Variants in MYH6 observed in about 807,000 individuals in gnomAD.
The protein encoded by MYH6 is myosin heavy chain 6.
A neutral mutation model predicts 223.2 loss-of-function variants in MYH6; 126 were observed. The observed-to-expected ratio is 0.56, with a 90% CI of 0.49 to 0.65. The LOEUF is 0.65. Among genes scored for constraint, MYH6 ranks in the 30% least tolerant of loss-of-function variants. MYH6 has a pLI of 0.00. For missense variants in MYH6, 2,040 were observed against 2,536.4 expected (o/e 0.80, Z 4.20); for synonymous variants, 978 against 1,010.2 (o/e 0.97, Z 0.61).
chr14:23,397,530 G>A lies in MYH6; in HGVS notation c.1962+13C>T, dbSNP rs765703017. Reference sequence around the variant, plus strand: ...TTCCACCAGGTGTCCTGGCACCCCTGGGCCCTTCTTACCCGGTGGAGAGCC... The same window carrying A: ...TTCCACCAGGTGTCCTGGCACCCCTAGGCCCTTCTTACCCGGTGGAGAGCC... On this transcript the variant is annotated intron_variant, in intron 16 of 38. Transcript: ENST00000405093. 1 of 1,613,838 alleles carries A rather than the reference G, an allele frequency of 6.2e-7. No homozygotes were observed. The highest frequency in any genetic ancestry group is 1.3e-5 in the African/African-American group (1 of 74,936).
rs1033416176 is a variant in MYH6 at position 23,390,248 on chromosome 14, C to T, written c.3541G>A (p.Glu1181Lys). The change falls in exon 26 of 39, where the codon GAG becomes AAG. Residue 1181 changes from glutamate (E) to lysine (K), a missense_variant. By Grantham distance (56) the Glu-to-Lys change is moderately conservative. Coordinates refer to ENST00000405093, the MANE Select transcript of MYH6 (RefSeq NM_002471.4). ...GCCTCGTGCTGCAGCGTGGCCTCCTCCAGGTCCCGCCGCATCTTCTGGAAC... is the reference window on the plus strand; with the variant it reads ...GCCTCGTGCTGCAGCGTGGCCTCCTTCAGGTCCCGCCGCATCTTCTGGAAC... ...AEFQKMRRDL[E>K]EATLQHEATA... The T allele has an allele frequency of 2.5e-6, 4 of 1,582,698 alleles. No individual in the cohort carries two copies. The highest frequency in any genetic ancestry group is 3.4e-6 in the Non-Finnish European group (4 of 1,161,614).
Position 23,389,642 on chromosome 14 carries a change from G to A in MYH6, c.3810C>T (p.Arg1270=). The part of the protein sequence containing the change: ...EYRVKLEEAQ[R]SLNDFTTQRA... ...GCTGGGTGGTGAAATCATTGAGGGA[G>A]CGTTGGGCCTCTTCTAGCTTCACGC... Residue 1270 remains arginine, a synonymous_variant, in exon 27 of 39, where the codon CGC becomes CGT. Transcript: ENST00000405093. 6.2e-7 allele frequency: 1 copy of A among 1,614,212 alleles called. No homozygotes were observed. Among genetic ancestry groups the A allele is most frequent in the South Asian group, 1.1e-5 (1 of 91,082 alleles).
rs773655539 is a variant in MYH6, at chr14:23,397,533, C to T, written c.1962+10G>A. 1.2e-6 allele frequency: 2 copies of T among 1,613,938 alleles called. No homozygotes were observed. The highest frequency in any genetic ancestry group is 2.7e-5 in the African/African-American group (2 of 74,946). On this transcript the variant is annotated intron_variant, in intron 16 of 38. Transcript: ENST00000405093. ...CACCAGGTGTCCTGGCACCCCTGGG[C>T]CCTTCTTACCCGGTGGAGAGCCGAC... is the stretch of plus-strand genomic sequence containing the variant.
rs776708814 is a variant in MYH6 at position 23,400,148 on chromosome 14, A to G, written c.1581+108T>C. On this transcript the variant is annotated intron_variant, in intron 14 of 38. Coordinates refer to ENST00000405093, the MANE Select transcript of MYH6 (RefSeq NM_002471.4). The stretch of plus-strand genomic sequence containing the variant: ...GTGGGGAGAAGCTGGGCCTGGAGAA[A>G]GGCCTGGGATTCTTGGGACTCTAGT... 9.7e-6 allele frequency: 15 copies of G among 1,539,562 alleles called. No homozygotes were observed. In the African/African-American group the frequency reaches 1.9e-4, roughly 20 times the overall value.
intron 20 of MYH6, among the ~76,000 whole-genome samples, chr14:23,394,998 G>A (rs1325684667): frequency 6.6e-6 from 1 of 152,178 alleles, no homozygotes; most frequent in African/African-American, 2.4e-5. Context: ...CTGAGTAGCT[G>A]GAATTACAGG....
At chr14:23,408,200 G>T in intron 1 of MYH6, 53 bp downstream of exon 1, 1 of 983,452 alleles carries the variant, frequency 1.0e-6, no homozygotes, top group Non-Finnish European at 1.2e-6. Context: ...GTCCCTCACG[G>T]TGGGGGCTCT....
At chr14:23,393,982 C>T in intron 21 of MYH6, 74 bp from the exon 22 acceptor site, 1 of 1,613,766 alleles carries the variant, frequency 6.2e-7, no homozygotes, top group Non-Finnish European at 8.5e-7. Context: ...AGCTGGCACT[C>T]CTAGACTCCC....
intron 12 of MYH6, 129 bp downstream of exon 12, chr14:23,402,335 C>T (rs567798859): frequency 1.4e-6 from 2 of 1,426,638 alleles, no homozygotes; most frequent in Admixed American, 1.9e-5. Context: ...TCTCCCACGT[C>T]CCTGTCCCTC....
In MYH6 at chr14:23,386,088, T is replaced by C. The variant is rs1250847290; in HGVS notation, c.5003A>G (p.Asp1668Gly). Residue 1668 changes from aspartate to glycine, a missense_variant, in exon 34 of 39, where the codon GAC becomes GGC. Transcript: ENST00000405093. ...CACGATGGCGATGTTCTCCTTCAGG[T>C]CGTCGTTGGCACGGACCGCATCGTC... ...QLDDAVRAND[D>G]LKENIAIVER... 1.2e-6 allele frequency: 2 copies of C among 1,614,216 alleles called. No homozygotes were observed.
Position 23,405,561 on chromosome 14 carries a change from C to T in MYH6, c.345+66G>A. ...GTCTCTCCCCCTCTTCTTGGGAGAG[C>T]CCCCCTGGCTTATTTAGGCCTCCAC... is the stretch of plus-strand genomic sequence containing the variant. On this transcript the variant is annotated intron_variant, in intron 4 of 38. Coordinates refer to ENST00000405093, the MANE Select transcript of MYH6 (RefSeq NM_002471.4). The surrounding 1 kb of genome is among the most constrained non-coding windows in gnomAD (Gnocchi z 4.7). 1 of 1,609,218 alleles carries T rather than the reference C, an allele frequency of 6.2e-7. No individual in the cohort carries two copies. The highest frequency in any genetic ancestry group is 8.5e-7 in the Non-Finnish European group (1 of 1,177,092).
rs373697017 is a variant in MYH6 at position 23,393,658 on chromosome 14, G to T, written c.2928+8C>A. The T allele has an allele frequency of 2.5e-6, 4 of 1,614,186 alleles. No homozygotes were observed. The highest frequency in any genetic ancestry group is 1.7e-5 in the Admixed American group (1 of 60,026). ...ACCTGGGCTGAAGCCAGAGGGAGCT[G>T]CCCTCACCTTGTTCTCTGTTGCATG... On this transcript the variant is annotated splice_region_variant and intron_variant, in intron 22 of 38. Transcript: ENST00000405093.
intron 20 of MYH6, among the ~76,000 whole-genome samples, chr14:23,395,467 A>C (rs1891363890): frequency 6.6e-6 from 1 of 152,160 alleles, no homozygotes; most frequent in African/African-American, 2.4e-5. Flanking sequence ...CATGGTGTAC[A>C]TGTATAAGAG....
At chr14:23,386,652 GACAGGGC>G in intron 32 of MYH6, 29 bp from the exon 33 acceptor site, 1 of 1,594,230 alleles carries the variant, frequency 6.3e-7, no homozygotes, top group Non-Finnish European at 8.6e-7. Flanking sequence ...AGGGCGGGCA[GACAGGGC>G]ACAGGGCAGG....
rs751290707 is a variant in MYH6, at chr14:23,405,163, G to A, written c.503-36C>T. 3 of 1,614,012 alleles carry A rather than the reference G, an allele frequency of 1.9e-6. No individual in the cohort carries two copies. Among genetic ancestry groups the A allele is most frequent in the Non-Finnish European group, 2.5e-6 (3 of 1,180,042 alleles). The stretch of plus-strand genomic sequence containing the variant: ...AAAGAGGAGAAGCAATGGGGTCAGG[G>A]CTGAGGATCTGGGTGGGTGTCTGGG... On this transcript the variant is annotated intron_variant, in intron 5 of 38. Coordinates refer to ENST00000405093, the MANE Select transcript of MYH6 (RefSeq NM_002471.4). This position sits in a 1 kb window ranked among gnomAD's most constrained non-coding sequence, Gnocchi z 4.7.
intron 32 of MYH6, among the ~76,000 whole-genome samples, chr14:23,387,321 C>G (rs1566506194): frequency 6.6e-6 from 1 of 152,188 alleles, no homozygotes; most frequent in Non-Finnish European, 1.5e-5. Context: ...GAAACAAAAC[C>G]TTTGGCCTCT....
At position 23,384,732 on chromosome 14, in the gene MYH6, G is replaced by A. The variant is rs1890967336; in HGVS notation, c.5290-15C>T. On this transcript the variant is annotated splice_polypyrimidine_tract_variant and intron_variant, in intron 35 of 38. Transcript: ENST00000405093. ...ATCATGGCGGCCTGTGTGCAGGAGA[G>A]AGGTGGCAAGGAACATGGGCCAGGG... 1.2e-6 allele frequency: 2 copies of A among 1,614,130 alleles called. No individual in the cohort carries two copies. The highest frequency in any genetic ancestry group is 2.2e-5 in the East Asian group (1 of 44,904).
chr14:23,404,473 G>T, intron 7 of MYH6, 85 bp from the exon 8 acceptor site: 1 of 1,511,774 alleles, frequency 6.6e-7, no homozygotes, highest in Non-Finnish European at 9.2e-7. Context: ...CCCTGGCCCT[G>T]AGGAATGGGG....
At position 23,405,781 on chromosome 14, in the gene MYH6, C is replaced by T. The variant is rs374248120; in HGVS notation, c.202-11G>A. 149 of 1,613,988 alleles carry T rather than the reference C, an allele frequency of 9.2e-5. No homozygotes were observed. The highest frequency in any genetic ancestry group is 2.7e-4 in the Admixed American group (16 of 59,992). On this transcript the variant is annotated splice_polypyrimidine_tract_variant and intron_variant, in intron 3 of 38. Coordinates refer to ENST00000405093, the MANE Select transcript of MYH6 (RefSeq NM_002471.4). The surrounding 1 kb of genome is among the most constrained non-coding windows in gnomAD (Gnocchi z 4.7). ...CTTCACAGTCACCGTCTGGAGGGGG[C>T]GCATAAGCAGGAGGATGAGTGACCA...
At position 23,393,649 on chromosome 14, in the gene MYH6, G is replaced by C; in HGVS notation, c.2928+17C>G. On this transcript the variant is annotated intron_variant, in intron 22 of 38. Transcript: ENST00000405093. ...CTTGAGGAGACCTGGGCTGAAGCCAGAGGGAGCTGCCCTCACCTTGTTCTC... is the reference window on the plus strand; with the variant it reads ...CTTGAGGAGACCTGGGCTGAAGCCACAGGGAGCTGCCCTCACCTTGTTCTC... The C allele has an allele frequency of 6.2e-7, 1 of 1,614,198 alleles. No individual in the cohort carries two copies. Among genetic ancestry groups the C allele is most frequent in the East Asian group, 2.2e-5 (1 of 44,880 alleles).
Sources: allele counts gnomAD v4.1 joint callset (sites outside exome capture counted in the v4.1 genomes callset), GRCh38; gene constraint gnomAD v4.1.1; non-coding constraint Gnocchi (gnomAD v3.1); transcripts MANE v1.5; gene names NCBI Gene and HGNC (gene_info 2026-07-23, HGNC 2026-07-21).